PARD3B: variants seen among roughly 807,000 people sequenced by gnomAD.
The protein encoded by PARD3B is partitioning defective 3 homolog B.
Under a neutral mutation model 130.2 loss-of-function variants are expected in PARD3B, and 103 were observed. The ratio of observed to expected loss-of-function variants is 0.79; its 90% CI spans 0.67 to 0.93. The LOEUF (loss-of-function observed/expected upper bound fraction) is 0.93, where lower values mean the gene tolerates loss of function less well. Among genes scored for constraint, PARD3B ranks in the 40% least tolerant of loss-of-function variants. The pLI, the probability that PARD3B is intolerant of heterozygous loss-of-function variation, is 0.00. For synonymous variants in PARD3B, 583 were observed against 553.2 expected, an observed-to-expected ratio of 1.05 and a Z score of -0.76; for missense variants, 1,609 against 1,499.2, an observed-to-expected ratio of 1.07 and a Z score of -1.21.
rs375658916 is a variant in PARD3B, at chr2:204,604,923, A to G, written c.120+58804A>G. ...GATATTCATCTGGTGCCTTGTCTGG[A>G]GGGTCTACAGTGGCTTAACTCACAT... is the stretch of plus-strand genomic sequence containing the variant. On this transcript the variant is annotated intron_variant, in intron 1 of 22. Coordinates refer to ENST00000406610, the MANE Select transcript of PARD3B (RefSeq NM_001302769.2). 3.0e-3 allele frequency among the ~76,000 whole-genome samples: 463 copies of G among 152,134 alleles called. 4 individuals carry two copies. Among genetic ancestry groups the G allele is most frequent in the South Asian group, 7.3e-3 (35 of 4,818 alleles).
At chr2:204,576,683 C>T (rs2032278162) in intron 1 of PARD3B, among the ~76,000 whole-genome samples, 1 of 152,120 alleles carries the variant, frequency 6.6e-6, no homozygotes, top group Admixed American at 6.5e-5. Flanking sequence ...ACCAGTGAGA[C>T]TTTTCCACAA....
rs576454348 is a variant in PARD3B at position 205,460,305 on chromosome 2, A to T, written c.3044+19633A>T. On this transcript the variant is annotated intron_variant, in intron 20 of 22. Coordinates refer to ENST00000406610, the MANE Select transcript of PARD3B (RefSeq NM_001302769.2). The surrounding 1 kb of genome is among the most constrained non-coding windows in gnomAD (Gnocchi z 4.9). Reference sequence around the variant, plus strand: ...AGAGGGTATTTCTCTAAACTATATCAGATAAAGGATGCCCAGAATTTGCTC... The same window carrying T: ...AGAGGGTATTTCTCTAAACTATATCTGATAAAGGATGCCCAGAATTTGCTC... Among the ~76,000 whole-genome samples, 26 of 152,174 alleles carry T rather than the reference A, an allele frequency of 1.7e-4. 3 individuals are homozygous for T. Among genetic ancestry groups the T allele is most frequent in the African/African-American group, 5.8e-4 (24 of 41,548 alleles).
At chr2:204,912,892 G>A (rs749099596) in intron 2 of PARD3B, among the ~76,000 whole-genome samples, 4 of 152,058 alleles carry the variant, frequency 2.6e-5, no homozygotes, top group Non-Finnish European at 5.9e-5. Context: ...TGGCTAATCT[G>A]AATACTAACC....
chr2:205,454,903 T>G (rs2048221006), intron 20 of PARD3B, among the ~76,000 whole-genome samples: 1 of 152,080 alleles, frequency 6.6e-6, no homozygotes, highest in Non-Finnish European at 1.5e-5. Context: ...AAACACAAGA[T>G]AAGAATAGCT....
intron 2 of PARD3B, among the ~76,000 whole-genome samples, chr2:204,883,446 T>TA (rs1271723465): frequency 9.6e-5 from 10 of 103,752 alleles, no homozygotes; most frequent in South Asian, 5.4e-4. Flanking sequence ...TATATATATA[T>TA]ATATATATAT....
At chr2:205,104,403 CT>C in intron 4 of PARD3B, 22 bp from the exon 5 acceptor site, 1 of 1,512,052 alleles carries the variant, frequency 6.6e-7, no homozygotes, top group African/African-American at 1.4e-5. Flanking sequence ...GCATCACATG[CT>C]TATGACTTTG....
chr2:205,301,951 CT>C lies in PARD3B; in HGVS notation c.2630+251del. 1.4e-6 allele frequency: 1 copy of C among 707,348 alleles called. No homozygotes were observed. Among genetic ancestry groups the C allele is most frequent in the Non-Finnish European group, 2.6e-6 (1 of 390,350 alleles). 43.8% of individuals were successfully genotyped at this position (707,348 alleles called of 1,614,324 possible). ...GTCAACACTATGCCAGGCACGGTGG[CT>C]CATGCCTGTAATCTCAGTACTTTGG... On this transcript the variant is annotated intron_variant, in intron 18 of 22. Coordinates refer to ENST00000406610, the MANE Select transcript of PARD3B (RefSeq NM_001302769.2). This position sits in a 1 kb window ranked among gnomAD's most constrained non-coding sequence, Gnocchi z 5.2.
chr2:205,089,036 C>T (rs947466596), intron 4 of PARD3B, among the ~76,000 whole-genome samples: 8 of 151,838 alleles, frequency 5.3e-5, no homozygotes, highest in East Asian at 3.9e-4. Flanking sequence ...CTCTTGGCCT[C>T]GTGATCCACC....
intron 20 of PARD3B, among the ~76,000 whole-genome samples, chr2:205,483,590 C>G (rs1001009993): frequency 6.6e-6 from 1 of 152,124 alleles, no homozygotes; most frequent in African/African-American, 2.4e-5. Context: ...TCCTCGCTCT[C>G]CCTCCCCTCT....
chr2:205,467,202 C>T (rs1016387789), intron 20 of PARD3B, among the ~76,000 whole-genome samples: 5 of 152,248 alleles, frequency 3.3e-5, no homozygotes, highest in African/African-American at 9.6e-5. Flanking sequence ...AAGTTGTCAC[C>T]ACAAGAGCCA....
At position 205,104,477 on chromosome 2, in the gene PARD3B, G is replaced by A. The variant is rs758923512; in HGVS notation, c.556G>A (p.Glu186Lys). 21 of 1,601,246 alleles carry A rather than the reference G, an allele frequency of 1.3e-5. No homozygotes were observed. The highest frequency in any genetic ancestry group is 1.8e-5 in the Non-Finnish European group (21 of 1,168,558). ...AGAAGTTTTGAATGGTGTACAGACA[G>A]AACTACTAACTTCGCCAAGAACTAA... ...DREVLNGVQT[E>K]LLTSPRTKDT... The change falls in exon 5 of 23, where the codon GAA becomes AAA. Residue 186 changes from glutamate (E) to lysine (K), a missense_variant. By Grantham distance (56) the Glu-to-Lys change is moderately conservative. Transcript: ENST00000406610.
intron 4 of PARD3B, among the ~76,000 whole-genome samples, chr2:205,101,809 A>G (rs912560627): frequency 3.3e-5 from 5 of 152,216 alleles, no homozygotes; most frequent in African/African-American, 7.2e-5. Context: ...TGAAATGTCT[A>G]CAATAGGCAA....
At chr2:205,030,680 G>T (rs1369510227) in intron 3 of PARD3B, among the ~76,000 whole-genome samples, 2 of 152,002 alleles carry the variant, frequency 1.3e-5, no homozygotes, top group East Asian at 1.9e-4. Context: ...TTTTAGATAG[G>T]AAACAAAATC....
At chr2:204,774,886 G>A (rs749548918) in intron 2 of PARD3B, among the ~76,000 whole-genome samples, 1 of 152,044 alleles carries the variant, frequency 6.6e-6, no homozygotes, top group Non-Finnish European at 1.5e-5. Flanking sequence ...AAAGTGTGCC[G>A]AATCCTTCCA....
At chr2:204,843,540 C>G (rs2044333974) in intron 2 of PARD3B, among the ~76,000 whole-genome samples, 1 of 152,030 alleles carries the variant, frequency 6.6e-6, no homozygotes, top group Non-Finnish European at 1.5e-5. Context: ...CAGGTTCACA[C>G]CATCACACCT....
At chr2:205,539,074 T>C (rs1004868628) in intron 21 of PARD3B, among the ~76,000 whole-genome samples, 2 of 152,184 alleles carry the variant, frequency 1.3e-5, no homozygotes, top group African/African-American at 2.4e-5. Context: ...TGTGCAGGCC[T>C]GAGACCACTG....
At chr2:204,683,423 A>G (rs985287931) in intron 1 of PARD3B, among the ~76,000 whole-genome samples, 1 of 152,212 alleles carries the variant, frequency 6.6e-6, no homozygotes, top group Middle Eastern at 3.2e-3. Flanking sequence ...AAAACCATGT[A>G]AATGAAATGC....
At chr2:205,522,620 A>T (rs1380252757) in intron 21 of PARD3B, among the ~76,000 whole-genome samples, 3 of 152,108 alleles carry the variant, frequency 2.0e-5, no homozygotes, top group African/African-American at 7.2e-5. Context: ...GTGCTGGAGG[A>T]TAGCAAAGAG....
At chr2:205,235,737 T>A (rs2039033469) in intron 15 of PARD3B, among the ~76,000 whole-genome samples, 1 of 152,238 alleles carries the variant, frequency 6.6e-6, no homozygotes, top group Non-Finnish European at 1.5e-5. Flanking sequence ...GTGAATTGTT[T>A]ATTTCTTGAA....
Sources: gnomAD v4.1 joint callset for allele counts (sites outside exome capture counted in the v4.1 genomes callset) on GRCh38, gnomAD v4.1.1 for gene constraint, Gnocchi (gnomAD v3.1) non-coding constraint, MANE v1.5 for transcripts, NCBI Gene and HGNC (gene_info 2026-07-23, HGNC 2026-07-21) for gene names.